Variants in CD48 observed in about 807,000 individuals in gnomAD.
CD48 encodes the protein CD48 antigen.
Under a neutral mutation model 22.0 loss-of-function variants are expected in CD48, and 20 were observed. That is an observed-to-expected ratio of 0.91 (90% confidence interval 0.64 to 1.32). The LOEUF (loss-of-function observed/expected upper bound fraction) is 1.32, where lower values mean the gene tolerates loss of function less well. CD48 is among the 40% of genes most tolerant of loss of function. CD48 has a pLI of 0.00. For missense variants in CD48, 307 were observed against 286.5 expected, an observed-to-expected ratio of 1.07 and a Z score of -0.52; for synonymous variants, 110 against 110.1, an observed-to-expected ratio of 1.00 and a Z score of 0.01.
chr1:160,708,888 G>C (rs1334739768), intron 1 of CD48, among the ~76,000 whole-genome samples: 1 of 152,166 alleles, frequency 6.6e-6, no homozygotes. Context: ...AGACCATGCA[G>C]CATTTGCCTA....
intron 1 of CD48, among the ~76,000 whole-genome samples, chr1:160,704,841 A>T (rs1662744707): frequency 6.6e-6 from 1 of 152,098 alleles, no homozygotes; most frequent in African/African-American, 2.4e-5. Context: ...GGTCATTTTT[A>T]AAAACCTGGT....
In CD48 at chr1:160,685,058, T is replaced by G; in HGVS notation, c.214A>C (p.Arg72=). The change falls in exon 2 of 4, where the codon AGA becomes CGA. Residue 72 remains arginine, a synonymous_variant. Transcript: ENST00000368046. ...TTGGATTCAAAGTACTTAGATTTTC[T>G]GGAATCCCATTCTACAATCTTCTGG... is the stretch of plus-strand genomic sequence containing the variant. ...FDQKIVEWDS[R]KSKYFESKFK... 1 of 1,614,244 alleles carries G rather than the reference T, an allele frequency of 6.2e-7. No homozygotes were observed. Among genetic ancestry groups the G allele is most frequent in the East Asian group, 2.2e-5 (1 of 44,890 alleles).
intron 1 of CD48, among the ~76,000 whole-genome samples, chr1:160,696,131 C>T (rs140301655): frequency 0.028 from 4,179 of 150,846 alleles, no homozygotes; most frequent in East Asian, 0.11. Context: ...ACTGATGGTT[C>T]CAGCAATGGA....
At position 160,705,306 on chromosome 1, in the gene CD48, C is replaced by T. The variant is rs189854458; in HGVS notation, c.82+6376G>A. ...GCTTCTGATTGGTCCAGCCCATGCC[C>T]TATAATCCCTCTGACAGAATAAGTT... is the stretch of plus-strand genomic sequence containing the variant. On this transcript the variant is annotated intron_variant, in intron 1 of 3. Transcript: ENST00000368046. Among the ~76,000 whole-genome samples, 612 of 152,282 alleles carry T rather than the reference C, an allele frequency of 4.0e-3. 3 individuals carry two copies. Among genetic ancestry groups the T allele is most frequent in the African/African-American group, 0.014 (572 of 41,550 alleles).
intron 1 of CD48, among the ~76,000 whole-genome samples, chr1:160,686,927 C>A (rs1020612504): frequency 6.6e-6 from 1 of 152,168 alleles, no homozygotes; most frequent in Non-Finnish European, 1.5e-5. Context: ...AACATCTTAT[C>A]AGGAGACAGG....
chr1:160,696,588 T>C (rs1407494655), intron 1 of CD48, among the ~76,000 whole-genome samples: 1 of 151,690 alleles, frequency 6.6e-6, no homozygotes, highest in Non-Finnish European at 1.5e-5. Context: ...TTGTACAACA[T>C]TGCACCCAGT....
chr1:160,680,220 A>T (rs1558029041), intron 3 of CD48, among the ~76,000 whole-genome samples: 1 of 152,198 alleles, frequency 6.6e-6, no homozygotes, highest in Non-Finnish European at 1.5e-5. Flanking sequence ...TGTGTACGCT[A>T]GGGCTCAGGG....
chr1:160,696,011 T>C (rs373391430), intron 1 of CD48, among the ~76,000 whole-genome samples: 11 of 152,306 alleles, frequency 7.2e-5, no homozygotes, highest in East Asian at 3.8e-4. Flanking sequence ...GTGGGAATTA[T>C]TGATAATCAT....
intron 2 of CD48, 36 bp downstream of exon 2, chr1:160,684,851 G>C: frequency 6.2e-7 from 1 of 1,614,000 alleles, no homozygotes; most frequent in Non-Finnish European, 8.5e-7. Flanking sequence ...TGGGGCCACT[G>C]GAGTGGGGAT....
At chr1:160,693,239 C>T (rs1662291831) in intron 1 of CD48, among the ~76,000 whole-genome samples, 1 of 152,248 alleles carries the variant, frequency 6.6e-6, no homozygotes, top group South Asian at 2.1e-4. Context: ...AGAGCCCTAC[C>T]CTGATTTTGT....
chr1:160,701,166 A>G lies in CD48; in HGVS notation c.82+10516T>C, dbSNP rs1367558280. ...AAATTTTTCACAATCTGATTTATGT[A>G]AAGCAATATAAAAAAAAATCTTTAA... On this transcript the variant is annotated intron_variant, in intron 1 of 3. Coordinates refer to ENST00000368046, the MANE Select transcript of CD48 (RefSeq NM_001778.4). Among the ~76,000 whole-genome samples, 47 of 68,102 alleles carry G rather than the reference A, an allele frequency of 6.9e-4. 1 individual carries two copies. The highest frequency in any genetic ancestry group is 3.4e-5 in the Non-Finnish European group (1 of 29,044). The allele number at this position is 68,102 out of a possible 152,430, so 44.7% of individuals were successfully genotyped here.
At chr1:160,700,664 T>C (rs507260) in intron 1 of CD48, among the ~76,000 whole-genome samples, 115,408 of 152,010 alleles carry the variant, frequency 0.76, 44,082 homozygotes, top group East Asian at 0.83. Context: ...CTGTGGAGAT[T>C]GGAATCTCCC....
chr1:160,685,313 A>C, intron 1 of CD48, 124 bp from the exon 2 acceptor site: 1 of 715,526 alleles, frequency 1.4e-6, no homozygotes, highest in Non-Finnish European at 2.3e-6. Flanking sequence ...AGCAGTGAGT[A>C]TGGTTTTCAC....
intron 1 of CD48, among the ~76,000 whole-genome samples, chr1:160,693,054 T>G (rs1162598879): frequency 7.9e-5 from 12 of 151,694 alleles, no homozygotes; most frequent in African/African-American, 1.7e-4. Flanking sequence ...CCAGTTAACA[T>G]AGATGCAGAT....
Position 160,678,979 on chromosome 1 carries a change from TG to T in CD48, c.*72del. On this transcript the variant is annotated 3_prime_UTR_variant, in exon 4 of 4. Transcript: ENST00000368046. ...TGGTCAGCCTATACAGTCTCTGTCC[TG>T]GTGAGGAGCATGATCACCAACAGGC... 2 of 1,095,824 alleles carry T rather than the reference TG, an allele frequency of 1.8e-6. No homozygotes were observed. The highest frequency in any genetic ancestry group is 2.8e-6 in the Non-Finnish European group (2 of 707,996). 67.9% of individuals were successfully genotyped at this position (1,095,824 alleles called of 1,614,324 possible). A position where few individuals can be genotyped will look rare whatever the true frequency, so the allele number is the denominator to read the frequency against.
chr1:160,681,026 G>A, intron 3 of CD48, 176 bp downstream of exon 3: 1 of 1,474,810 alleles, frequency 6.8e-7, no homozygotes, highest in Non-Finnish European at 9.0e-7. Context: ...GAGGTAAGCT[G>A]GCTGGGAGGT....
intron 1 of CD48, among the ~76,000 whole-genome samples, chr1:160,689,207 G>A (rs897609285): frequency 6.6e-6 from 1 of 152,150 alleles, no homozygotes; most frequent in Admixed American, 6.5e-5. Flanking sequence ...GAGGCACAGA[G>A]GGGGGTATTT....
chr1:160,683,812 A>G (rs1332801435), intron 2 of CD48: 2 of 152,212 alleles, frequency 1.3e-5, no homozygotes, highest in Non-Finnish European at 2.9e-5. Flanking sequence ...TCATAATATG[A>G]TGAAGAACCC....
chr1:160,681,555 G>C, intron 2 of CD48, 87 bp from the exon 3 acceptor site: 7 of 1,507,058 alleles, frequency 4.6e-6, no homozygotes, highest in East Asian at 2.3e-5. Context: ...GGGATCCAGG[G>C]AAGGGGCCTG....
Sources: allele counts gnomAD v4.1 joint callset (sites outside exome capture counted in the v4.1 genomes callset), GRCh38; gene constraint gnomAD v4.1.1; transcripts MANE v1.5; gene names NCBI Gene and HGNC (gene_info 2026-07-23, HGNC 2026-07-21).